The following GALNTL6 variants were observed in gnomAD, a reference collection of about 807,000 sequenced individuals.
GALNTL6 encodes the protein polypeptide N-acetylgalactosaminyltransferase like 6, also known as polypeptide N-acetylgalactosaminyltransferase-like 6.
A neutral mutation model predicts 73.7 loss-of-function variants in GALNTL6; 46 were observed. That is an observed-to-expected ratio of 0.62 (90% confidence interval 0.49 to 0.80). The LOEUF (loss-of-function observed/expected upper bound fraction) is 0.80. Among genes scored for constraint, GALNTL6 ranks in the 30% least tolerant of loss-of-function variants. The probability of loss-of-function intolerance (pLI) is 0.00; values close to 1 mark genes in which losing one functional copy is unlikely to be tolerated. For missense variants in GALNTL6, 604 were observed against 755.0 expected, an observed-to-expected ratio of 0.80 and a Z score of 2.34; for synonymous variants, 259 against 263.7, an observed-to-expected ratio of 0.98 and a Z score of 0.17.
chr4:172,429,224 T>TTTTATTTTATTTTATTTTAA (rs1397984599), intron 5 of GALNTL6, among the ~76,000 whole-genome samples: 1 of 150,916 alleles, frequency 6.6e-6, no homozygotes, highest in African/African-American at 2.4e-5. Context: ...TTTTATTTTA[T>TTTTATTTTATTTTATTTTAA]TTTTTGAGAC....
intron 11 of GALNTL6, among the ~76,000 whole-genome samples, chr4:173,019,124 A>G (rs569120387): frequency 6.6e-6 from 1 of 152,360 alleles, no homozygotes; most frequent in African/African-American, 2.4e-5. Context: ...GGTAAGGGAG[A>G]CAAAGGAGTT....
intron 5 of GALNTL6, among the ~76,000 whole-genome samples, chr4:172,582,455 G>C (rs1419091539): frequency 6.6e-6 from 1 of 151,988 alleles, no homozygotes; most frequent in East Asian, 1.9e-4. Flanking sequence ...GGCCACCCTT[G>C]GTATCCATGG....
intron 5 of GALNTL6, among the ~76,000 whole-genome samples, chr4:172,432,727 C>G (rs544424684): frequency 1.3e-5 from 2 of 151,990 alleles, no homozygotes; most frequent in African/African-American, 4.8e-5. Context: ...CTCCATAAAT[C>G]TCTTTTAAAA....
At chr4:172,950,041 A>T (rs1437999026) in intron 9 of GALNTL6, among the ~76,000 whole-genome samples, 3 of 152,270 alleles carry the variant, frequency 2.0e-5, no homozygotes, top group African/African-American at 7.2e-5. Context: ...AAATGAAAAT[A>T]GTAAGATGAT....
At position 172,069,585 on chromosome 4, in the gene GALNTL6, A is replaced by ATGTGTTATATAT. The variant is rs1553989819; in HGVS notation, c.139-160070_139-160069insGTGTTATATATT. On this transcript the variant is annotated intron_variant, in intron 2 of 12. Transcript: ENST00000506823. ...ATATAACACATATATGTTATATATT[A>ATGTGTTATATAT]TATATATAACACATATATGTTATAT... Among the ~76,000 whole-genome samples, 5 of 23,416 alleles carry ATGTGTTATATAT rather than the reference A, an allele frequency of 2.1e-4. 2 individuals are homozygous for ATGTGTTATATAT. Among genetic ancestry groups the ATGTGTTATATAT allele is most frequent in the African/African-American group, 4.9e-4 (5 of 10,194 alleles). 15.4% of individuals were successfully genotyped at this position (23,416 alleles called of 152,430 possible).
chr4:172,793,659 T>C (rs1240352641), intron 5 of GALNTL6, among the ~76,000 whole-genome samples: 1 of 152,174 alleles, frequency 6.6e-6, no homozygotes, highest in Non-Finnish European at 1.5e-5. Context: ...TGCTGGACTA[T>C]CAGTAGAGGA....
chr4:172,941,017 C>A (rs1273341253), intron 9 of GALNTL6, among the ~76,000 whole-genome samples: 1 of 152,174 alleles, frequency 6.6e-6, no homozygotes, highest in Admixed American at 6.6e-5. Context: ...AACTTATTTA[C>A]TCTAAATATT....
intron 7 of GALNTL6, among the ~76,000 whole-genome samples, chr4:172,826,185 G>A: frequency 6.6e-6 from 1 of 152,022 alleles, no homozygotes; most frequent in East Asian, 1.9e-4. Context: ...CTAAGTATTT[G>A]GAAGTTTATA....
intron 7 of GALNTL6, among the ~76,000 whole-genome samples, chr4:172,833,743 C>G (rs1388872084): frequency 1.3e-5 from 2 of 152,170 alleles, no homozygotes; most frequent in Non-Finnish European, 2.9e-5. Flanking sequence ...CTTGGAGTTA[C>G]AGTGAAAGTC....
chr4:172,364,450 C>G (rs1017423876), intron 5 of GALNTL6, among the ~76,000 whole-genome samples: 5 of 152,132 alleles, frequency 3.3e-5, no homozygotes, highest in Admixed American at 3.3e-4. Context: ...AAAAAATTAG[C>G]ATCAGAACCT....
intron 2 of GALNTL6, among the ~76,000 whole-genome samples, chr4:172,136,288 G>C (rs1733634208): frequency 6.6e-6 from 1 of 151,864 alleles, no homozygotes; most frequent in South Asian, 2.1e-4. Flanking sequence ...ATTAAATCTA[G>C]ATCACATTGA....
At chr4:172,304,683 T>A (rs868363315) in intron 3 of GALNTL6, among the ~76,000 whole-genome samples, 2 of 152,106 alleles carry the variant, frequency 1.3e-5, no homozygotes, top group South Asian at 2.1e-4. Flanking sequence ...GGGTTTTTTT[T>A]CCCCCGGACA....
rs964878613 is a variant in GALNTL6 at position 172,180,917 on chromosome 4, G to A, written c.139-48739G>A. Among the ~76,000 whole-genome samples, 4 of 152,166 alleles carry A rather than the reference G, an allele frequency of 2.6e-5. No individual in the cohort carries two copies. In the East Asian group the frequency reaches 7.7e-4, roughly 29 times the overall value. On this transcript the variant is annotated intron_variant, in intron 2 of 12. Coordinates refer to ENST00000506823, the MANE Select transcript of GALNTL6 (RefSeq NM_001034845.3). ...AGCTTTGTTCTTTTTGCTTAGGATT[G>A]TCTGGCTATACGGGCTGTTCTTTTC...
At chr4:172,777,666 T>G (rs145093298) in intron 5 of GALNTL6, among the ~76,000 whole-genome samples, 1 of 152,306 alleles carries the variant, frequency 6.6e-6, no homozygotes, top group East Asian at 1.9e-4. Context: ...AATTTTCTAT[T>G]TATGATTTGA....
At chr4:172,626,232 A>G (rs1288311907) in intron 5 of GALNTL6, among the ~76,000 whole-genome samples, 1 of 152,128 alleles carries the variant, frequency 6.6e-6, no homozygotes, top group Non-Finnish European at 1.5e-5. Flanking sequence ...ATTCTACTGC[A>G]TATGGCTAGC....
chr4:172,778,122 T>C (rs1185953501), intron 5 of GALNTL6, among the ~76,000 whole-genome samples: 1 of 152,260 alleles, frequency 6.6e-6, no homozygotes, highest in African/African-American at 2.4e-5. Context: ...GTAAGTGGCA[T>C]TGGCCATTGA....
intron 2 of GALNTL6, among the ~76,000 whole-genome samples, chr4:172,115,004 A>T (rs568986089): frequency 6.6e-6 from 1 of 152,230 alleles, no homozygotes; most frequent in Non-Finnish European, 1.5e-5. Context: ...CCTGTTTGTG[A>T]ACTTAATAAC....
At chr4:172,171,471 C>T (rs546312626) in intron 2 of GALNTL6, among the ~76,000 whole-genome samples, 62 of 152,146 alleles carry the variant, frequency 4.1e-4, no homozygotes, top group Non-Finnish European at 8.1e-4. Context: ...ACTTGAAGAA[C>T]ATAACAGTTC....
chr4:172,029,698 G>A (rs1741707310), intron 2 of GALNTL6, among the ~76,000 whole-genome samples: 1 of 152,026 alleles, frequency 6.6e-6, no homozygotes, highest in African/African-American at 2.4e-5. Flanking sequence ...TAGTGGCTGT[G>A]ACTCCAAAGG....
Sources: allele counts gnomAD v4.1 joint callset (sites outside exome capture counted in the v4.1 genomes callset), GRCh38; gene constraint gnomAD v4.1.1; transcripts MANE v1.5; gene names NCBI Gene and HGNC (gene_info 2026-07-23, HGNC 2026-07-21).